DSCAM: variants seen among roughly 807,000 people sequenced by gnomAD.
The protein encoded by DSCAM is DS cell adhesion molecule, also known as cell adhesion molecule DSCAM.
A neutral mutation model predicts 217.7 loss-of-function variants in DSCAM; 47 were observed. That is an observed-to-expected ratio of 0.22 (90% CI 0.17 to 0.28). The LOEUF (loss-of-function observed/expected upper bound fraction) is 0.28, where lower values mean the gene tolerates loss of function less well. Among genes scored for constraint, DSCAM ranks in the 10% least tolerant of loss-of-function variants. The pLI is 1.00. For missense variants in DSCAM, 2,080 were observed against 2,618.3 expected (o/e 0.79, Z 4.49); for synonymous variants, 1,056 against 1,015.3 (o/e 1.04, Z -0.76).
In DSCAM at chr21:40,746,276, A is replaced by T. The variant is rs573352652; in HGVS notation, c.44-37505T>A. Among the ~76,000 whole-genome samples, 8 of 152,038 alleles carry T rather than the reference A, an allele frequency of 5.3e-5. No individual in the cohort carries two copies. The South Asian group carries it at 1.0e-3, about 20-fold the overall frequency. The stretch of plus-strand genomic sequence containing the variant: ...ACATAGAGTGACTGAATGGATTTTT[A>T]AAAATGCCCAATTATATGCTGTCTA... On this transcript the variant is annotated intron_variant, in intron 1 of 32. Coordinates refer to ENST00000400454, the MANE Select transcript of DSCAM (RefSeq NM_001389.5).
intron 19 of DSCAM, among the ~76,000 whole-genome samples, chr21:40,125,323 CAAG>C (rs1470530763): frequency 2.6e-5 from 4 of 152,126 alleles, no homozygotes; most frequent in African/African-American, 9.7e-5. Context: ...ATGGCCAAGA[CAAG>C]AAGATGCCAA....
chr21:40,788,333 CCTTA>C (rs2091610979), intron 1 of DSCAM, among the ~76,000 whole-genome samples: 2 of 152,138 alleles, frequency 1.3e-5, no homozygotes, highest in South Asian at 4.1e-4. Context: ...CCCTGTCTAT[CCTTA>C]CTTGTTTTGT....
intron 11 of DSCAM, among the ~76,000 whole-genome samples, chr21:40,240,421 CAGAT>C (rs999519607): frequency 2.4e-5 from 3 of 123,842 alleles, no homozygotes; most frequent in African/African-American, 9.5e-5. Context: ...ATCTTGCATA[CAGAT>C]AGATAGATAT....
chr21:40,267,928 G>T (rs539075596), intron 11 of DSCAM, among the ~76,000 whole-genome samples: 2 of 152,036 alleles, frequency 1.3e-5, no homozygotes, highest in Non-Finnish European at 2.9e-5. Flanking sequence ...GATTGTGTGG[G>T]TCTATGTATA....
At chr21:40,342,300 TG>T (rs2074501222) in intron 6 of DSCAM, among the ~76,000 whole-genome samples, 1 of 152,094 alleles carries the variant, frequency 6.6e-6, no homozygotes, top group South Asian at 2.1e-4. Context: ...CACATATATT[TG>T]TGTGTGTATA....
chr21:40,691,085 A>G (rs1234879510), intron 3 of DSCAM, among the ~76,000 whole-genome samples: 1 of 152,252 alleles, frequency 6.6e-6, no homozygotes. Context: ...AACTTAAAAT[A>G]AAAGTTAAAA....
chr21:40,137,102 G>A (rs1601368871), intron 18 of DSCAM, among the ~76,000 whole-genome samples: 1 of 150,972 alleles, frequency 6.6e-6, no homozygotes, highest in South Asian at 2.1e-4. Flanking sequence ...GTGAACCTGG[G>A]AGGTGGAGCT....
intron 3 of DSCAM, among the ~76,000 whole-genome samples, chr21:40,439,506 A>G (rs2075612302): frequency 6.6e-6 from 1 of 152,230 alleles, no homozygotes; most frequent in African/African-American, 2.4e-5. Context: ...CTGAGTACTT[A>G]GGAAGCATGT....
At chr21:40,260,892 G>A (rs998356979) in intron 11 of DSCAM, among the ~76,000 whole-genome samples, 5 of 152,150 alleles carry the variant, frequency 3.3e-5, no homozygotes, top group East Asian at 1.9e-4. Flanking sequence ...AAAAGCCCCC[G>A]ACATCCAGGA....
At chr21:40,471,969 G>A (rs745873388) in intron 3 of DSCAM, among the ~76,000 whole-genome samples, 2 of 152,038 alleles carry the variant, frequency 1.3e-5, no homozygotes, top group African/African-American at 2.4e-5. Flanking sequence ...ACAGGCCCCG[G>A]TGTGTGATGT....
At chr21:40,823,119 C>T (rs2091942517) in intron 1 of DSCAM, among the ~76,000 whole-genome samples, 1 of 152,008 alleles carries the variant, frequency 6.6e-6, no homozygotes, top group Admixed American at 6.6e-5. Flanking sequence ...CACTGCACTC[C>T]AGCCAGGGTG....
chr21:40,688,367 C>G (rs1482033684), intron 3 of DSCAM, among the ~76,000 whole-genome samples: 1 of 152,132 alleles, frequency 6.6e-6, no homozygotes, highest in Non-Finnish European at 1.5e-5. Flanking sequence ...AAGGGAAACC[C>G]AAATATAAAG....
intron 3 of DSCAM, among the ~76,000 whole-genome samples, chr21:40,424,505 G>T (rs1357604929): frequency 6.6e-6 from 1 of 152,176 alleles, no homozygotes; most frequent in Non-Finnish European, 1.5e-5. Flanking sequence ...CAGGAGGTGA[G>T]CAAGGACCTC....
At chr21:40,652,714 G>A (rs2090030695) in intron 3 of DSCAM, among the ~76,000 whole-genome samples, 1 of 152,060 alleles carries the variant, frequency 6.6e-6, no homozygotes, top group African/African-American at 2.4e-5. Flanking sequence ...GCCCTTGACT[G>A]ACTCCTAGGA....
At chr21:40,055,577 C>G in intron 29 of DSCAM, 148 bp downstream of exon 29, 1 of 618,768 alleles carries the variant, frequency 1.6e-6, no homozygotes, top group Non-Finnish European at 2.9e-6. Flanking sequence ...TTCTTCTTCA[C>G]AAGAACAATT....
At chr21:40,445,992 T>C (rs1193598755) in intron 3 of DSCAM, among the ~76,000 whole-genome samples, 6 of 152,202 alleles carry the variant, frequency 3.9e-5, no homozygotes, top group Admixed American at 3.9e-4. Context: ...CATGGCTTAA[T>C]GAGGGATCAA....
At chr21:40,216,718 A>T (rs944544947) in intron 11 of DSCAM, among the ~76,000 whole-genome samples, 17 of 152,356 alleles carry the variant, frequency 1.1e-4, no homozygotes, top group Admixed American at 1.0e-3. Flanking sequence ...TTGTCACAGC[A>T]GCACAGGTAA....
At chr21:40,819,200 T>C (rs577196043) in intron 1 of DSCAM, among the ~76,000 whole-genome samples, 8 of 152,322 alleles carry the variant, frequency 5.3e-5, no homozygotes, top group African/African-American at 1.9e-4. Context: ...GATTTAATGA[T>C]TGAATGATTA....
chr21:40,179,776 A>G (rs921545629), intron 14 of DSCAM, among the ~76,000 whole-genome samples: 4 of 152,256 alleles, frequency 2.6e-5, no homozygotes, highest in African/African-American at 4.8e-5. Flanking sequence ...GTGAAATGTT[A>G]TCACTGAATC....
Sources: allele counts gnomAD v4.1 joint callset (sites outside exome capture counted in the v4.1 genomes callset), GRCh38; gene constraint gnomAD v4.1.1; transcripts MANE v1.5; gene names NCBI Gene and HGNC (gene_info 2026-07-23, HGNC 2026-07-21).